PLS3: variants seen among roughly 807,000 people sequenced by gnomAD.
The protein encoded by PLS3 is plastin-3.
In PLS3, 11 loss-of-function variants were observed where a neutral mutation model predicts 46.5. That is an observed-to-expected ratio of 0.24 (90% CI 0.15 to 0.39). The LOEUF is 0.39. Ranked by LOEUF, PLS3 falls within the 10% of genes least tolerant of loss-of-function variation. PLS3 has a pLI of 1.00. For synonymous variants in PLS3, 167 were observed against 162.2 expected, an observed-to-expected ratio of 1.03 and a Z score of -0.22; for missense variants, 308 against 461.8, an observed-to-expected ratio of 0.67 and a Z score of 3.05.
At chrX:115,646,375 T>C (rs2074952126) in intron 12 of PLS3, 27 bp from the exon 13 acceptor site, 1 of 1,199,874 alleles carries the variant, frequency 8.3e-7, no homozygotes, top group African/African-American at 1.7e-5. Flanking sequence ...TGGAAGTCTT[T>C]AACCATTTAC....
chrX:115,648,274 CA>C (rs2074971987), intron 15 of PLS3, among the ~76,000 whole-genome samples: 1 of 111,686 alleles, frequency 9.0e-6, no homozygotes, highest in Admixed American at 9.6e-5. Context: ...CAGTGGATTA[CA>C]GAAATAATGT....
intron 1 of PLS3, chrX:115,562,641 G>A (rs1556629713): frequency 1.9e-4 from 21 of 111,488 alleles, no homozygotes; most frequent in Non-Finnish European, 1.9e-5. Context: ...TTTGCTGGAT[G>A]TCACAATGGA....
At chrX:115,594,412 G>A (rs2074367670) in intron 1 of PLS3, among the ~76,000 whole-genome samples, 1 of 111,701 alleles carries the variant, frequency 9.0e-6, no homozygotes, top group Admixed American at 9.6e-5. Context: ...AGTGAAGCAT[G>A]AAACAAAACA....
At chrX:115,563,992 C>G (rs909649406) in intron 1 of PLS3, among the ~76,000 whole-genome samples, 7 of 111,853 alleles carry the variant, frequency 6.3e-5, no homozygotes, top group African/African-American at 2.3e-4. Context: ...ATTGTGAAAT[C>G]ATGTCTAAAC....
At chrX:115,573,094 A>C (rs2074226495) in intron 1 of PLS3, among the ~76,000 whole-genome samples, 1 of 88,339 alleles carries the variant, frequency 1.1e-5, no homozygotes, top group Non-Finnish European at 2.0e-5. Context: ...ACTCCGTCTC[A>C]AAAAAAAAAA....
In PLS3 at chrX:115,599,719, G is replaced by A. The variant is rs377554674; in HGVS notation, c.-8-10524G>A. On this transcript the variant is annotated intron_variant, in intron 1 of 15. Coordinates refer to ENST00000355899, the MANE Select transcript of PLS3 (RefSeq NM_005032.7). Reference sequence around the variant, plus strand: ...CCAATCTCGGCTCACTGCAGCCTCCGCCTCCTGGGTTCAAGCAATTCTCCT... The same window carrying A: ...CCAATCTCGGCTCACTGCAGCCTCCACCTCCTGGGTTCAAGCAATTCTCCT... 4.7e-5 allele frequency among the ~76,000 whole-genome samples: 5 copies of A among 105,805 alleles called. No individual in the cohort carries two copies. The South Asian group carries it at 1.3e-3, about 29-fold the overall frequency. The allele number at this position is 105,805 out of a possible 115,157, so 91.9% of individuals were successfully genotyped here.
intron 2 of PLS3, chrX:115,614,297 T>C: frequency 1.3e-6 from 1 of 752,909 alleles, no homozygotes; most frequent in Non-Finnish European, 1.6e-6. Context: ...AAACGAGAGT[T>C]GCAGCAGGGG....
At position 115,648,002 on chromosome X, in the gene PLS3, A is replaced by G; in HGVS notation, c.1745A>G (p.Lys582Arg). The change falls in exon 15 of 16, where the codon AAG (lysine) becomes AGG (arginine). Residue 582 changes from lysine (K) to arginine (R), a missense_variant. By Grantham distance (26) the Lys-to-Arg change is conservative. Coordinates refer to ENST00000355899, the MANE Select transcript of PLS3 (RefSeq NM_005032.7). ...VKSGNLTEDDKHNNAKYAVSM... is the reference protein window; with the variant it reads ...VKSGNLTEDDRHNNAKYAVSM... ...AGTGGCAATCTAACAGAAGATGACAAGCACAATAATGCCAAGTAAGGGAGA... is the reference window on the plus strand; with the variant it reads ...AGTGGCAATCTAACAGAAGATGACAGGCACAATAATGCCAAGTAAGGGAGA... The G allele has an allele frequency of 8.3e-7, 1 of 1,198,356 alleles. No individual in the cohort carries two copies. Among genetic ancestry groups the G allele is most frequent in the South Asian group, 1.8e-5 (1 of 56,554 alleles).
Position 115,646,084 on chromosome X carries a change from T to C in PLS3, c.1275T>C (p.Asp425=), listed in dbSNP as rs148514983. 553 of 1,155,324 alleles carry C rather than the reference T, an allele frequency of 4.8e-4. No individual in the cohort carries two copies. The highest frequency in any genetic ancestry group is 6.0e-4 in the Non-Finnish European group (508 of 847,138). The change falls in exon 12 of 16, where the codon GAT becomes GAC. Residue 425 remains aspartate, a synonymous_variant. Coordinates refer to ENST00000355899, the MANE Select transcript of PLS3 (RefSeq NM_005032.7). ...HVNHLYADLQ[D]ALVILQLYER... ...TTTAAATCATTAGTGACCTGCAAGA[T>C]GCCCTGGTAATCTTACAGTTATATG...
chrX:115,590,700 A>C (rs1209458636), intron 1 of PLS3, among the ~76,000 whole-genome samples: 5 of 110,489 alleles, frequency 4.5e-5, no homozygotes, highest in Admixed American at 9.6e-5. Context: ...GGTGCCTGTA[A>C]TCCCAGCTAC....
chrX:115,602,681 ATTTC>A (rs1346046514), intron 1 of PLS3, among the ~76,000 whole-genome samples: 8 of 111,098 alleles, frequency 7.2e-5, no homozygotes, highest in Non-Finnish European at 1.5e-4. Flanking sequence ...GAAATAATGT[ATTTC>A]TTCCATGTTT....
At chrX:115,624,226 T>G (rs5987757) in intron 3 of PLS3, 666 of 31,746 alleles carry the variant, frequency 0.021, 9 homozygotes, top group African/African-American at 0.089. Flanking sequence ...AGACTCCGTC[T>G]CAAAAAAAAA....
chrX:115,591,381 C>T (rs1456587719), intron 1 of PLS3, among the ~76,000 whole-genome samples: 2 of 111,822 alleles, frequency 1.8e-5, no homozygotes, highest in African/African-American at 6.5e-5. Context: ...TTCCAGATGA[C>T]CAGGAAAGGA....
chrX:115,590,572 C>G (rs2074337760), intron 1 of PLS3, among the ~76,000 whole-genome samples: 4 of 112,210 alleles, frequency 3.6e-5, no homozygotes. Flanking sequence ...GTAATCCCAG[C>G]ACTTTGGGAG....
intron 1 of PLS3, among the ~76,000 whole-genome samples, chrX:115,599,579 T>A (rs1488413587): frequency 1.0e-5 from 1 of 100,105 alleles, no homozygotes; most frequent in Non-Finnish European, 2.0e-5. Context: ...CTCCAACACA[T>A]GCTTTTGCTT....
At chrX:115,635,853 G>A (rs2147555214) in intron 7 of PLS3, among the ~76,000 whole-genome samples, 1 of 106,838 alleles carries the variant, frequency 9.4e-6, no homozygotes, top group Admixed American at 1.0e-4. Context: ...ACCTGGGCGT[G>A]GTGGCATGTG....
chrX:115,569,561 G>A (rs1423252408), intron 1 of PLS3, among the ~76,000 whole-genome samples: 2 of 111,865 alleles, frequency 1.8e-5, no homozygotes, highest in Non-Finnish European at 3.8e-5. Context: ...AAATTCTGAT[G>A]CTGTCACTTA....
chrX:115,569,370 A>C (rs782166466), intron 1 of PLS3, among the ~76,000 whole-genome samples: 1 of 111,995 alleles, frequency 8.9e-6, no homozygotes, highest in African/African-American at 3.2e-5. Context: ...CAGTATCCTA[A>C]AGAAACATTT....
At position 115,633,956 on chromosome X, in the gene PLS3, GCT is replaced by G. The variant is rs782676726; in HGVS notation, c.501-41_501-40del. On this transcript the variant is annotated intron_variant, in intron 5 of 15. Coordinates refer to ENST00000355899, the MANE Select transcript of PLS3 (RefSeq NM_005032.7). ...ACAGCCACTTTATAAAAGGAAATCAGCTCTTTTTTTTTACATCAGCCTTTTTT... is the reference window on the plus strand; with the variant it reads ...ACAGCCACTTTATAAAAGGAAATCAGCTTTTTTTTTACATCAGCCTTTTTT... 47 of 663,924 alleles carry G rather than the reference GCT, an allele frequency of 7.1e-5. No individual in the cohort carries two copies. The Admixed American group carries it at 1.1e-3, about 16-fold the overall frequency. The allele number at this position is 663,924 out of a possible 1,213,427, so 54.7% of individuals were successfully genotyped here. A position where few individuals can be genotyped will look rare whatever the true frequency, so the allele number is the denominator to read the frequency against.
Sources: gnomAD v4.1 joint callset for allele counts (sites outside exome capture counted in the v4.1 genomes callset) on GRCh38, gnomAD v4.1.1 for gene constraint, MANE v1.5 for transcripts, NCBI Gene and HGNC (gene_info 2026-07-23, HGNC 2026-07-21) for gene names.